Variants in SLIT1 observed in about 807,000 individuals in gnomAD.
SLIT1 encodes slit homolog 1 protein.
Under a neutral mutation model 186.1 loss-of-function variants are expected in SLIT1, and 66 were observed. That is an observed-to-expected ratio of 0.35 (90% confidence interval 0.29 to 0.44). SLIT1 has a LOEUF of 0.44. SLIT1 is among the 20% of genes least tolerant of loss of function. SLIT1 has a pLI of 1.00. For synonymous variants in SLIT1, 761 were observed against 833.8 expected (o/e 0.91, Z 1.50); for missense variants, 1,638 against 2,037.4 (o/e 0.80, Z 3.77).
intron 1 of SLIT1, among the ~76,000 whole-genome samples, chr10:97,171,241 G>A (rs1850184341): frequency 6.6e-6 from 1 of 152,080 alleles, no homozygotes; most frequent in Non-Finnish European, 1.5e-5. Context: ...CCACTGCGCA[G>A]ACAGCAGTAA....
intron 23 of SLIT1, among the ~76,000 whole-genome samples, chr10:97,033,699 G>A (rs1345965649): frequency 2.0e-5 from 3 of 152,042 alleles, no homozygotes; most frequent in East Asian, 3.9e-4. Flanking sequence ...AGTGAAAATC[G>A]ACAAAATTAG....
chr10:97,117,896 T>C (rs1318014521), intron 4 of SLIT1, among the ~76,000 whole-genome samples: 1 of 152,218 alleles, frequency 6.6e-6, no homozygotes, highest in East Asian at 1.9e-4. Context: ...GCTCAATGAA[T>C]ACATTTCAGA....
chr10:97,161,838 A>C (rs1850031072), intron 3 of SLIT1, among the ~76,000 whole-genome samples: 1 of 152,192 alleles, frequency 6.6e-6, no homozygotes, highest in South Asian at 2.1e-4. Flanking sequence ...TTGAAGGCAA[A>C]ATGATCTGGG....
rs200399275 is a variant in SLIT1, at chr10:97,059,540, T to A, written c.1014-9A>T. On this transcript the variant is annotated splice_polypyrimidine_tract_variant and intron_variant, in intron 10 of 36. Coordinates refer to ENST00000266058, the MANE Select transcript of SLIT1 (RefSeq NM_003061.3). The stretch of plus-strand genomic sequence containing the variant: ...GATTGTTGCTCAGGTCTCTGCAAGG[T>A]GAGCAGAAGGAGAGGGGGCATCTGA... The A allele has an allele frequency of 6.2e-7, 1 of 1,613,058 alleles. No homozygotes were observed. The highest frequency in any genetic ancestry group is 2.2e-5 in the East Asian group (1 of 44,856).
intron 8 of SLIT1, 56 bp downstream of exon 8, chr10:97,063,399 A>C: frequency 6.3e-7 from 1 of 1,593,050 alleles, no homozygotes; most frequent in Non-Finnish European, 8.6e-7. Context: ...GGCGGGAACA[A>C]GAGGCAGGGC....
chr10:97,146,565 C>CCCT (rs1554853595), intron 4 of SLIT1, among the ~76,000 whole-genome samples: 2 of 151,796 alleles, frequency 1.3e-5, no homozygotes, highest in Non-Finnish European at 2.9e-5. Context: ...CCCAGCCCCC[C>CCCT]CCACTGAACA....
chr10:97,020,092 C>T (rs1175004071), intron 26 of SLIT1, among the ~76,000 whole-genome samples: 7 of 151,916 alleles, frequency 4.6e-5, no homozygotes, highest in Admixed American at 4.6e-4. Flanking sequence ...TTTCCATCTC[C>T]ACCCAGTAGC....
At chr10:97,143,490 T>C (rs907008200) in intron 4 of SLIT1, among the ~76,000 whole-genome samples, 1 of 152,230 alleles carries the variant, frequency 6.6e-6, no homozygotes, top group Non-Finnish European at 1.5e-5. Flanking sequence ...GAGAAGGGAA[T>C]AGACTTTCAG....
rs113007870 is a variant in SLIT1 at position 97,068,133 on chromosome 10, TTGAA to T, written c.414-2051_414-2048del. On this transcript the variant is annotated intron_variant, in intron 4 of 36. Coordinates refer to ENST00000266058, the MANE Select transcript of SLIT1 (RefSeq NM_003061.3). This position sits in a 1 kb window ranked among gnomAD's most constrained non-coding sequence, Gnocchi z 4.2. ...ACATCAGCCACTCGCCAAGCATTTG[TTGAA>T]TGAATGAATGAATGAATGAATGATG... Among the ~76,000 whole-genome samples, 4 of 151,702 alleles carry T rather than the reference TTGAA, an allele frequency of 2.6e-5. No individual in the cohort carries two copies. The highest frequency in any genetic ancestry group is 2.6e-4 in the Admixed American group (4 of 15,272).
At position 97,035,954 on chromosome 10, in the gene SLIT1, G is replaced by A. The variant is rs2134614983; in HGVS notation, c.2367-1412C>T. ...CCTGAGTTGATCACATCCTCCTTGA[G>A]CCACAGCCCTAATCAGCATTGACCT... On this transcript the variant is annotated intron_variant, in intron 22 of 36. Transcript: ENST00000266058. Among the ~76,000 whole-genome samples, 3 of 152,174 alleles carry A rather than the reference G, an allele frequency of 2.0e-5. No homozygotes were observed. The South Asian group carries it at 6.2e-4, about 32-fold the overall frequency.
At chr10:97,096,550 G>A (rs1849292159) in intron 4 of SLIT1, among the ~76,000 whole-genome samples, 2 of 152,184 alleles carry the variant, frequency 1.3e-5, no homozygotes, top group South Asian at 4.1e-4. Context: ...GCTTCCAGCA[G>A]CCAAGCTAAA....
At chr10:97,125,399 G>T (rs1392793253) in intron 4 of SLIT1, among the ~76,000 whole-genome samples, 1 of 152,088 alleles carries the variant, frequency 6.6e-6, no homozygotes, top group Non-Finnish European at 1.5e-5. Context: ...AGCCAGGCCT[G>T]GTGGTGCACG....
intron 13 of SLIT1, among the ~76,000 whole-genome samples, chr10:97,051,410 T>C (rs1487439881): frequency 1.3e-5 from 2 of 152,194 alleles, no homozygotes; most frequent in African/African-American, 2.4e-5. Flanking sequence ...GGAGCCTTCA[T>C]AATACACCAC....
intron 4 of SLIT1, among the ~76,000 whole-genome samples, chr10:97,115,227 C>T (rs1363683003): frequency 6.6e-6 from 1 of 152,202 alleles, no homozygotes; most frequent in African/African-American, 2.4e-5. Flanking sequence ...CTGGGCTCTG[C>T]TTGACCTCGC....
At chr10:97,039,334 T>C (rs1035239470) in intron 21 of SLIT1, among the ~76,000 whole-genome samples, 2 of 152,284 alleles carry the variant, frequency 1.3e-5, no homozygotes, top group African/African-American at 4.8e-5. Context: ...ATCCTCCACA[T>C]GTGCTCAGAT....
intron 4 of SLIT1, among the ~76,000 whole-genome samples, chr10:97,107,458 T>C (rs1490693): frequency 0.29 from 43,358 of 151,970 alleles, 6,807 homozygotes; most frequent in African/African-American, 0.43. Context: ...ACCTCGCATC[T>C]TAACTGCATC....
intron 1 of SLIT1, among the ~76,000 whole-genome samples, chr10:97,175,563 G>A (rs978636278): frequency 6.6e-5 from 10 of 152,106 alleles, no homozygotes; most frequent in African/African-American, 2.2e-4. Flanking sequence ...TTTGACAGTC[G>A]CAATCCGAGT....
intron 4 of SLIT1, among the ~76,000 whole-genome samples, chr10:97,074,052 C>A (rs551287232): frequency 6.6e-6 from 1 of 152,266 alleles, no homozygotes; most frequent in East Asian, 1.9e-4. Flanking sequence ...GCTGCTCTAT[C>A]TGCAACAGGC....
At chr10:97,014,254 G>T (rs1216734439) in intron 28 of SLIT1, 96 bp from the exon 29 acceptor site, 2 of 1,448,378 alleles carry the variant, frequency 1.4e-6, no homozygotes, top group Non-Finnish European at 1.9e-6. Flanking sequence ...CGGAGTTAGG[G>T]TCCCTAATCC....
Sources: allele counts gnomAD v4.1 joint callset (sites outside exome capture counted in the v4.1 genomes callset), GRCh38; gene constraint gnomAD v4.1.1; non-coding constraint Gnocchi (gnomAD v3.1); transcripts MANE v1.5; gene names NCBI Gene and HGNC (gene_info 2026-07-23, HGNC 2026-07-21).